The following AGAP1 variants were observed in gnomAD, a reference collection of about 807,000 sequenced individuals.
The protein encoded by AGAP1 is ArfGAP with GTPase domain, ankyrin repeat and PH domain 1.
Under a neutral mutation model 105.3 loss-of-function variants are expected in AGAP1, and 29 were observed. The ratio of observed to expected loss-of-function variants is 0.28; its 90% confidence interval spans 0.21 to 0.38. AGAP1 has a LOEUF of 0.38. Ranked by LOEUF, AGAP1 falls within the 10% of genes least tolerant of loss-of-function variation. AGAP1 has a pLI of 1.00. For missense variants in AGAP1, 998 were observed against 1,165.1 expected, an observed-to-expected ratio of 0.86 and a Z score of 2.09; for synonymous variants, 509 against 485.9, an observed-to-expected ratio of 1.05 and a Z score of -0.63.
At chr2:235,649,085 T>A (rs551189337) in intron 1 of AGAP1, among the ~76,000 whole-genome samples, 17 of 152,280 alleles carry the variant, frequency 1.1e-4, no homozygotes, top group South Asian at 2.1e-4. Flanking sequence ...GAAGGCTTAT[T>A]TAAAACCCCA....
In AGAP1 at chr2:235,973,605, GA is replaced by G. The variant is rs1174814844; in HGVS notation, c.1645+4983del. 2.0e-5 allele frequency among the ~76,000 whole-genome samples: 3 copies of G among 152,234 alleles called. No homozygotes were observed. In the South Asian group the frequency reaches 6.2e-4, roughly 31 times the overall value. ...GAGGGCCATGAGGCATGGTGACTGT[GA>G]CCAGCTGATGGAAGGTTTGCAAAGA... On this transcript the variant is annotated intron_variant, in intron 13 of 17. Transcript: ENST00000304032. This position sits in a 1 kb window ranked among gnomAD's most constrained non-coding sequence, Gnocchi z 4.7.
At position 235,549,999 on chromosome 2, in the gene AGAP1, A is replaced by G. The variant is rs1036241183; in HGVS notation, c.163+55150A>G. On this transcript the variant is annotated intron_variant, in intron 1 of 17. Coordinates refer to ENST00000304032, the MANE Select transcript of AGAP1 (RefSeq NM_001037131.3). The surrounding 1 kb of genome is among the most constrained non-coding windows in gnomAD (Gnocchi z 4.2). Reference sequence around the variant, plus strand: ...TGGGCCTTGGCTCTGGTAGTCTCACATAACTCTTTGGTGTCTGCAGCTGTA... The same window carrying G: ...TGGGCCTTGGCTCTGGTAGTCTCACGTAACTCTTTGGTGTCTGCAGCTGTA... 1.4e-4 allele frequency among the ~76,000 whole-genome samples: 22 copies of G among 152,226 alleles called. No individual in the cohort carries two copies. The highest frequency in any genetic ancestry group is 5.1e-4 in the African/African-American group (21 of 41,450).
rs549023775 is a variant in AGAP1, at chr2:235,870,795, C to G, written c.1051-12550C>G. 5.3e-5 allele frequency among the ~76,000 whole-genome samples: 8 copies of G among 152,326 alleles called. No homozygotes were observed. The South Asian group carries it at 1.7e-3, about 32-fold the overall frequency. On this transcript the variant is annotated intron_variant, in intron 9 of 17. Transcript: ENST00000304032. ...CTTGGCCCTTGGCTCTGCCCTCTGC[C>G]TTTCCCATAAGAACTGACCCATGTT...
Position 235,891,591 on chromosome 2 carries a change from TC to T in AGAP1, c.1155+8144del, listed in dbSNP as rs2050542932. 6.6e-6 allele frequency among the ~76,000 whole-genome samples: 1 copy of T among 152,154 alleles called. No homozygotes were observed. ...GTTCAGCGTGGCCACCTATTCATCT[TC>T]CATGTCGCAAGCACGGCCGTCGAGT... On this transcript the variant is annotated intron_variant, in intron 10 of 17. Coordinates refer to ENST00000304032, the MANE Select transcript of AGAP1 (RefSeq NM_001037131.3). The surrounding 1 kb of genome is among the most constrained non-coding windows in gnomAD (Gnocchi z 4.2).
intron 1 of AGAP1, among the ~76,000 whole-genome samples, chr2:235,618,151 T>G (rs190370408): frequency 1.0e-3 from 157 of 152,306 alleles, no homozygotes; most frequent in Admixed American, 2.3e-3. Flanking sequence ...CCTTTTACTG[T>G]TACTGCGTTG....
At chr2:235,795,894 G>C (rs868052772) in intron 6 of AGAP1, among the ~76,000 whole-genome samples, 2 of 152,166 alleles carry the variant, frequency 1.3e-5, no homozygotes, top group African/African-American at 4.8e-5. Flanking sequence ...TCCATAGAAA[G>C]GATAGAACAT....
rs1222796892 is a variant in AGAP1 at position 236,055,710 on chromosome 2, A to G, written c.2114+6429A>G. ...CACACCGTCTGCTGGCAGGAGTGAC[A>G]TTTACTACCAATAAAGTTTATACAT... is the stretch of plus-strand genomic sequence containing the variant. On this transcript the variant is annotated intron_variant, in intron 16 of 17. Coordinates refer to ENST00000304032, the MANE Select transcript of AGAP1 (RefSeq NM_001037131.3). This position sits in a 1 kb window ranked among gnomAD's most constrained non-coding sequence, Gnocchi z 6.2. Among the ~76,000 whole-genome samples the G allele has an allele frequency of 6.6e-6, 1 of 152,242 alleles. No individual in the cohort carries two copies.
Position 235,557,928 on chromosome 2 carries a change from G to A in AGAP1, c.163+63079G>A, listed in dbSNP as rs1944023452. ...CCCTGCGCCATGTGAGTGAGGTTTT[G>A]TGGTCCTGGACAGGTGAGCTCCCCT... On this transcript the variant is annotated intron_variant, in intron 1 of 17. Transcript: ENST00000304032. This position sits in a 1 kb window ranked among gnomAD's most constrained non-coding sequence, Gnocchi z 4.7. Among the ~76,000 whole-genome samples, 1 of 152,200 alleles carries A rather than the reference G, an allele frequency of 6.6e-6. No individual in the cohort carries two copies. Among genetic ancestry groups the A allele is most frequent in the Non-Finnish European group, 1.5e-5 (1 of 68,044 alleles).
chr2:235,610,680 G>A lies in AGAP1; in HGVS notation c.164-98499G>A, dbSNP rs920978564. Among the ~76,000 whole-genome samples, 3 of 152,072 alleles carry A rather than the reference G, an allele frequency of 2.0e-5. No homozygotes were observed. The highest frequency in any genetic ancestry group is 7.2e-5 in the African/African-American group (3 of 41,422). ...ATACAGCCCATAGCACAGCGCTTCC[G>A]CACACATCCACATTGCAGACCCGCC... On this transcript the variant is annotated intron_variant, in intron 1 of 17. Transcript: ENST00000304032. This position sits in a 1 kb window ranked among gnomAD's most constrained non-coding sequence, Gnocchi z 4.9.
chr2:235,773,852 A>G (rs1184596333), intron 6 of AGAP1: 1 of 438,350 alleles, frequency 2.3e-6, no homozygotes, highest in East Asian at 7.1e-5. Flanking sequence ...AAAGAAAAAA[A>G]TCTCGAAAAT....
intron 6 of AGAP1, among the ~76,000 whole-genome samples, chr2:235,780,540 A>T (rs1235545133): frequency 6.6e-6 from 1 of 152,202 alleles, no homozygotes; most frequent in South Asian, 2.1e-4. Flanking sequence ...GACGGTGGGT[A>T]GAGTTGCTCG....
intron 1 of AGAP1, among the ~76,000 whole-genome samples, chr2:235,561,240 T>C (rs1944140135): frequency 6.6e-6 from 1 of 152,152 alleles, no homozygotes; most frequent in African/African-American, 2.4e-5. Context: ...CTGTTTCCAA[T>C]GTTATTTCCT....
chr2:236,047,046 TGGAGCCTA>T (rs1380066265), intron 15 of AGAP1, among the ~76,000 whole-genome samples: 1 of 152,102 alleles, frequency 6.6e-6, no homozygotes, highest in East Asian at 1.9e-4. Context: ...GGAGGATCAC[TGGAGCCTA>T]GGAGTTTGAG....
intron 1 of AGAP1, among the ~76,000 whole-genome samples, chr2:235,649,267 G>T (rs1947499774): frequency 6.6e-6 from 1 of 152,180 alleles, no homozygotes; most frequent in Non-Finnish European, 1.5e-5. Flanking sequence ...CCATGTTTAT[G>T]CACAGGAAGC....
At chr2:235,521,804 A>C (rs1258736719) in intron 1 of AGAP1, among the ~76,000 whole-genome samples, 1 of 151,436 alleles carries the variant, frequency 6.6e-6, no homozygotes, top group East Asian at 1.9e-4. Context: ...ATAGTGCTGT[A>C]TAGTCTACGT....
chr2:235,644,919 G>A (rs1373425436), intron 1 of AGAP1, among the ~76,000 whole-genome samples: 3 of 149,962 alleles, frequency 2.0e-5, no homozygotes, highest in African/African-American at 7.4e-5. Flanking sequence ...TTGGAGACAA[G>A]AGTTTTACTC....
Position 236,014,558 on chromosome 2 carries a change from T to C in AGAP1, c.1646-22003T>C, listed in dbSNP as rs1189886603. ...CAGACTTCTGCGCGTGGGTAGTTCT[T>C]TGACGTTAGATGCAATCCTGATGAC... On this transcript the variant is annotated intron_variant, in intron 13 of 17. Transcript: ENST00000304032. This position sits in a 1 kb window ranked among gnomAD's most constrained non-coding sequence, Gnocchi z 6.3. 1.3e-5 allele frequency among the ~76,000 whole-genome samples: 2 copies of C among 152,166 alleles called. No homozygotes were observed. The highest frequency in any genetic ancestry group is 6.5e-5 in the Admixed American group (1 of 15,288).
At chr2:235,764,733 TCTGGGAGCGCCCGTGGGGTGG>T (rs1954781637) in intron 6 of AGAP1, among the ~76,000 whole-genome samples, 1 of 83,132 alleles carries the variant, frequency 1.2e-5, no homozygotes, top group Non-Finnish European at 2.3e-5. Flanking sequence ...GGTGGGGGCA[TCTGGGAGCGCCCGTGGGGTGG>T]GGGCATCTGG....
rs553560064 is a variant in AGAP1 at position 235,627,602 on chromosome 2, G to A, written c.164-81577G>A. On this transcript the variant is annotated intron_variant, in intron 1 of 17. Transcript: ENST00000304032. ...CGTCTTGGTACCAAGTCCACTGCCC[G>A]TGGGGCTTATTTTGTGGTGTGAGGT... Among the ~76,000 whole-genome samples, 11 of 152,212 alleles carry A rather than the reference G, an allele frequency of 7.2e-5. No individual in the cohort carries two copies. In the South Asian group the frequency reaches 1.2e-3, roughly 17 times the overall value.
Sources: allele counts gnomAD v4.1 joint callset (sites outside exome capture counted in the v4.1 genomes callset), GRCh38; gene constraint gnomAD v4.1.1; non-coding constraint Gnocchi (gnomAD v3.1); transcripts MANE v1.5; gene names NCBI Gene and HGNC (gene_info 2026-07-23, HGNC 2026-07-21).